The following C12orf54 variants were observed in gnomAD, a reference collection of about 807,000 sequenced individuals.
C12orf54 encodes the protein uncharacterized protein C12orf54.
Under a neutral mutation model 26.4 loss-of-function variants are expected in C12orf54, and 24 were observed. That is an observed-to-expected ratio of 0.91 (90% CI 0.66 to 1.28). The LOEUF (loss-of-function observed/expected upper bound fraction) is 1.28. C12orf54 is among the 50% of genes most tolerant of loss of function. The pLI, the probability that C12orf54 is intolerant of heterozygous loss-of-function variation, is 0.00. For missense variants in C12orf54, 154 were observed against 150.9 expected, an observed-to-expected ratio of 1.02 and a Z score of -0.11; for synonymous variants, 54 against 47.0, an observed-to-expected ratio of 1.15 and a Z score of -0.61.
At chr12:48,442,037 T>TC in the C12orf54 span, 1 of 152,380 alleles carries the variant, frequency 6.6e-6, no homozygotes, top group Non-Finnish European at 1.5e-5. Flanking sequence ...ACACTAGAAA[T>TC]ATTTTCTCAA....
At chr12:48,440,678 T>C in the C12orf54 span, among the ~76,000 whole-genome samples, 3 of 152,324 alleles carry the variant, frequency 2.0e-5, no homozygotes, top group South Asian at 4.1e-4. Flanking sequence ...TGGTTGGCCA[T>C]TGGATGAATA....
At chr12:48,471,440 T>C in the C12orf54 span, among the ~76,000 whole-genome samples, 2 of 152,194 alleles carry the variant, frequency 1.3e-5, no homozygotes, top group African/African-American at 4.8e-5. Context: ...ATTTCCTTTC[T>C]TTGGGGCATA....
the C12orf54 span, among the ~76,000 whole-genome samples, chr12:48,440,300 G>C: frequency 1.3e-5 from 2 of 152,100 alleles, no homozygotes; most frequent in Non-Finnish European, 2.9e-5. Context: ...TTGAGTTTAT[G>C]CTGAGGAGTT....
the C12orf54 span, among the ~76,000 whole-genome samples, chr12:48,413,764 A>G: frequency 6.6e-6 from 1 of 152,222 alleles, no homozygotes; most frequent in Non-Finnish European, 1.5e-5. Context: ...GAAAAATTAT[A>G]TGGAACTGCA....
the C12orf54 span, among the ~76,000 whole-genome samples, chr12:48,418,712 A>C: frequency 2.0e-5 from 3 of 152,220 alleles, no homozygotes; most frequent in Admixed American, 6.5e-5. Context: ...TAAAGGAAAC[A>C]GGGACACAAG....
At chr12:48,488,481 CA>C (rs551426749) in intron 4 of C12orf54, 22,384 of 197,476 alleles carry the variant, frequency 0.11, no homozygotes, top group Middle Eastern at 0.18. Context: ...AACTTACAGC[CA>C]AAAAAAAAAA....
the C12orf54 span, among the ~76,000 whole-genome samples, chr12:48,435,834 G>A: frequency 6.6e-6 from 1 of 152,300 alleles, no homozygotes; most frequent in East Asian, 1.9e-4. Context: ...TCAAGGCTAG[G>A]AAGAAACTGC....
At chr12:48,451,285 C>T in the C12orf54 span, among the ~76,000 whole-genome samples, 1 of 151,812 alleles carries the variant, frequency 6.6e-6, no homozygotes, top group African/African-American at 2.4e-5. Flanking sequence ...TTCAACATCC[C>T]TTCATATTAA....
the C12orf54 span, among the ~76,000 whole-genome samples, chr12:48,454,794 A>G: frequency 1.3e-3 from 202 of 152,350 alleles, no homozygotes; most frequent in African/African-American, 4.7e-3. Flanking sequence ...AAATATGCAA[A>G]GCTTAAGGTT....
At chr12:48,455,409 T>C in the C12orf54 span, among the ~76,000 whole-genome samples, 3 of 152,182 alleles carry the variant, frequency 2.0e-5, no homozygotes, top group African/African-American at 7.2e-5. Context: ...GATGAACATA[T>C]GCATACATAT....
At chr12:48,425,319 T>C in the C12orf54 span, among the ~76,000 whole-genome samples, 64,840 of 151,812 alleles carry the variant, frequency 0.43, 14,476 homozygotes, top group East Asian at 0.72. Context: ...CATTTATAAG[T>C]GAAAACATGC....
chr12:48,416,129 G>A, the C12orf54 span, among the ~76,000 whole-genome samples: 5 of 152,244 alleles, frequency 3.3e-5, no homozygotes, highest in South Asian at 1.0e-3. Flanking sequence ...AATACCGTCA[G>A]ATGTCACATG....
chr12:48,473,257 G>C, the C12orf54 span: 1 of 1,080,758 alleles, frequency 9.3e-7, no homozygotes, highest in Admixed American at 1.9e-5. Flanking sequence ...GAGGAGGAAC[G>C]TGAAGAGGAG....
the C12orf54 span, among the ~76,000 whole-genome samples, chr12:48,464,486 C>A: frequency 6.6e-6 from 1 of 151,896 alleles, no homozygotes; most frequent in Non-Finnish European, 1.5e-5. Context: ...ATTATTATGG[C>A]CATACTGCCT....
chr12:48,473,867 G>A, the C12orf54 span, among the ~76,000 whole-genome samples: 26 of 152,258 alleles, frequency 1.7e-4, no homozygotes, highest in Middle Eastern at 3.4e-3. Flanking sequence ...TGCTTTTCGC[G>A]GAACTGCTAG....
chr12:48,486,603 G>C lies in C12orf54; in HGVS notation c.97-85G>C, dbSNP rs981747808. 5 of 1,409,892 alleles carry C rather than the reference G, an allele frequency of 3.5e-6. No homozygotes were observed. In the African/African-American group the frequency reaches 4.3e-5, roughly 12 times the overall value. 87.3% of individuals were successfully genotyped at this position (1,409,892 alleles called of 1,614,324 possible). A position where few individuals can be genotyped will look rare whatever the true frequency, so the allele number is the denominator to read the frequency against. ...CCAGCTCAATTCCAAGAAACATCTT[G>C]TCTTCCACCAGTTTCATAATGTGTC... is the stretch of plus-strand genomic sequence containing the variant. On this transcript the variant is annotated intron_variant, in intron 3 of 8. Transcript: ENST00000548364.
the C12orf54 span, among the ~76,000 whole-genome samples, chr12:48,414,952 A>G: frequency 1.9e-3 from 289 of 152,282 alleles, 2 homozygotes; most frequent in African/African-American, 6.3e-3. Flanking sequence ...TTCCTTCTAG[A>G]ATCATAGGAG....
intron 8 of C12orf54, among the ~76,000 whole-genome samples, chr12:48,495,356 AT>A (rs1937889722): frequency 2.0e-5 from 3 of 152,242 alleles, no homozygotes; most frequent in Admixed American, 2.0e-4. Flanking sequence ...GAGTCCTATA[AT>A]TCCCTCTGGA....
At chr12:48,437,354 C>T in the C12orf54 span, among the ~76,000 whole-genome samples, 1 of 152,186 alleles carries the variant, frequency 6.6e-6, no homozygotes, top group Non-Finnish European at 1.5e-5. Context: ...CCTTCTGAAA[C>T]TATTCCAATC....
Sources: allele counts gnomAD v4.1 joint callset (sites outside exome capture counted in the v4.1 genomes callset), GRCh38; gene constraint gnomAD v4.1.1; transcripts MANE v1.5; gene names NCBI Gene and HGNC (gene_info 2026-07-23, HGNC 2026-07-21).